SYNE2: variants seen among roughly 807,000 people sequenced by gnomAD.
SYNE2 encodes the protein spectrin repeat containing nuclear envelope protein 2, also known as nesprin-2.
Under a neutral mutation model 856.3 loss-of-function variants are expected in SYNE2, and 431 were observed. That is an observed-to-expected ratio of 0.50 (90% CI 0.47 to 0.55). The LOEUF (loss-of-function observed/expected upper bound fraction) is 0.55. Ranked by LOEUF, SYNE2 falls within the 20% of genes least tolerant of loss-of-function variation. The probability of loss-of-function intolerance (pLI) is 0.00; values close to 1 mark genes in which losing one functional copy is unlikely to be tolerated. For synonymous variants in SYNE2, 2,923 were observed against 2,872.3 expected, an observed-to-expected ratio of 1.02 and a Z score of -0.56; for missense variants, 8,129 against 8,023.2, an observed-to-expected ratio of 1.01 and a Z score of -0.50.
At chr14:63,962,201 A>G (rs2096327595) in intron 9 of SYNE2, among the ~76,000 whole-genome samples, 1 of 151,752 alleles carries the variant, frequency 6.6e-6, no homozygotes, top group Admixed American at 6.6e-5. Flanking sequence ...AATTACAGGC[A>G]TGTGCCACCA....
At chr14:64,110,491 T>C (rs1435371971) in intron 65 of SYNE2, among the ~76,000 whole-genome samples, 1 of 151,116 alleles carries the variant, frequency 6.6e-6, no homozygotes, top group Non-Finnish European at 1.5e-5. Flanking sequence ...CTGCTCATGG[T>C]AAGAGCCCAA....
chr14:63,803,493 C>G (rs1888240131), intron 1 of SYNE2, among the ~76,000 whole-genome samples: 1 of 152,252 alleles, frequency 6.6e-6, no homozygotes, highest in Non-Finnish European at 1.5e-5. Flanking sequence ...ACACCCTCCG[C>G]AGCCACTGGT....
At chr14:64,196,399 C>G (rs1037125850) in intron 99 of SYNE2, among the ~76,000 whole-genome samples, 1 of 152,102 alleles carries the variant, frequency 6.6e-6, no homozygotes, top group Admixed American at 6.6e-5. Flanking sequence ...CTGGGAGGAG[C>G]TAGCAAGGAA....
At chr14:64,050,094 T>C (rs1227357755) in intron 47 of SYNE2, among the ~76,000 whole-genome samples, 2 of 151,826 alleles carry the variant, frequency 1.3e-5, no homozygotes, top group African/African-American at 4.8e-5. Context: ...AATTATTTCT[T>C]ACTGCCTTGG....
At chr14:63,873,539 G>C (rs2094639173) in intron 1 of SYNE2, 1 of 152,146 alleles carries the variant, frequency 6.6e-6, no homozygotes, top group Non-Finnish European at 1.5e-5. Flanking sequence ...GGGAGTACAG[G>C]CGCCCAACAC....
At chr14:64,186,842 A>G (rs2098493934) in intron 97 of SYNE2, among the ~76,000 whole-genome samples, 1 of 152,204 alleles carries the variant, frequency 6.6e-6, no homozygotes, top group South Asian at 2.1e-4. Context: ...CAGAAATTGC[A>G]ATTCTGATCA....
At chr14:64,119,391 CA>C (rs761349630) in intron 66 of SYNE2, 35 bp from the exon 67 acceptor site, 8 of 1,612,070 alleles carry the variant, frequency 5.0e-6, no homozygotes, top group Non-Finnish European at 6.8e-6. Flanking sequence ...TCTTCAAGAA[CA>C]ACATTATGAA....
At chr14:64,177,528 T>A (rs751799236) in intron 96 of SYNE2, 45 bp downstream of exon 96, 1 of 1,613,684 alleles carries the variant, frequency 6.2e-7, no homozygotes, top group Non-Finnish European at 8.5e-7. Flanking sequence ...CTTAGCTGTT[T>A]TCTGAGTACT....
intron 1 of SYNE2, among the ~76,000 whole-genome samples, chr14:63,815,381 T>C (rs925856118): frequency 7.3e-5 from 11 of 151,604 alleles, no homozygotes; most frequent in African/African-American, 2.7e-4. Flanking sequence ...GTCCAATGTT[T>C]GAGGGCAGGA....
chr14:63,826,953 C>A (rs1889452613), intron 1 of SYNE2, among the ~76,000 whole-genome samples: 1 of 152,050 alleles, frequency 6.6e-6, no homozygotes, highest in Non-Finnish European at 1.5e-5. Flanking sequence ...AAATTATATA[C>A]CTGATAAATG....
intron 88 of SYNE2, 53 bp downstream of exon 88, chr14:64,162,329 G>T (rs746783280): frequency 6.4e-7 from 1 of 1,572,924 alleles, no homozygotes; most frequent in Non-Finnish European, 8.7e-7. Flanking sequence ...CAACAGATGG[G>T]GTAAGGGACA....
At chr14:64,141,281 G>A (rs995597431) in intron 80 of SYNE2, 60 bp from the exon 81 acceptor site, 51 of 1,400,488 alleles carry the variant, frequency 3.6e-5, no homozygotes, top group Admixed American at 9.2e-5. Context: ...CAGTTATTCC[G>A]ACTCTTACTT....
At chr14:63,955,049 C>A (rs564635490) in intron 8 of SYNE2, 134 bp downstream of exon 8, 3 of 739,376 alleles carry the variant, frequency 4.1e-6, no homozygotes, top group East Asian at 2.7e-5. Flanking sequence ...AGCTCTTTAT[C>A]GAATTTGATG....
intron 99 of SYNE2, among the ~76,000 whole-genome samples, chr14:64,196,138 G>A (rs1306127201): frequency 2.0e-5 from 3 of 152,172 alleles, no homozygotes; most frequent in Non-Finnish European, 2.9e-5. Context: ...AGCATTTTGG[G>A]AGAACTATTG....
chr14:63,938,921 A>G (rs1253627612), intron 2 of SYNE2, among the ~76,000 whole-genome samples: 2 of 151,424 alleles, frequency 1.3e-5, no homozygotes, highest in African/African-American at 2.4e-5. Flanking sequence ...CTGAGAGTCT[A>G]GAGTGCATGT....
chr14:64,087,494 A>G, intron 57 of SYNE2, 177 bp from the exon 58 acceptor site: 2 of 780,304 alleles, frequency 2.6e-6, no homozygotes, highest in Middle Eastern at 2.3e-4. Context: ...ACAGGTAGAT[A>G]CTCTGAAGTC....
chr14:64,143,990 A>G (rs1221233550), intron 83 of SYNE2, 42 bp downstream of exon 83: 1 of 1,610,694 alleles, frequency 6.2e-7, no homozygotes, highest in Non-Finnish European at 8.5e-7. Context: ...TTTGACCTTT[A>G]TGAAACACAC....
At chr14:64,026,086 C>T (rs932401627) in intron 41 of SYNE2, among the ~76,000 whole-genome samples, 2 of 152,060 alleles carry the variant, frequency 1.3e-5, no homozygotes, top group African/African-American at 2.4e-5. Flanking sequence ...GTTGGTGAGA[C>T]TTAGTAAATA....
In SYNE2 at chr14:64,152,443, G is replaced by A. The variant is rs751055696; in HGVS notation, c.15640-121G>A. 4.6e-4 allele frequency: 426 copies of A among 922,706 alleles called. 1 individual carries two copies. The highest frequency in any genetic ancestry group is 6.8e-4 in the Non-Finnish European group (411 of 605,666). 57.2% of individuals were successfully genotyped at this position (922,706 alleles called of 1,614,324 possible). A position where few individuals can be genotyped will look rare whatever the true frequency, so the allele number is the denominator to read the frequency against. On this transcript the variant is annotated intron_variant, in intron 84 of 115. Coordinates refer to ENST00000555002, the MANE Select transcript of SYNE2 (RefSeq NM_182914.3). ...ATGATTTAAATTTCTTTGATGTAAT[G>A]CTATTTAATTATATAATCTAATGAC...
Sources: allele counts gnomAD v4.1 joint callset (sites outside exome capture counted in the v4.1 genomes callset), GRCh38; gene constraint gnomAD v4.1.1; transcripts MANE v1.5; gene names NCBI Gene and HGNC (gene_info 2026-07-23, HGNC 2026-07-21).